Variants in FEV observed in about 807,000 individuals in gnomAD.
The protein encoded by FEV is FEV transcription factor, ETS family member, also known as protein FEV.
In FEV, 14 loss-of-function variants were observed where a neutral mutation model predicts 20.5. That is an observed-to-expected ratio of 0.68 (90% CI 0.45 to 1.07). The LOEUF is 1.07. FEV is among the 50% of genes least tolerant of loss of function. FEV has a pLI of 0.00. For synonymous variants in FEV, 188 were observed against 163.7 expected, an observed-to-expected ratio of 1.15 and a Z score of -1.13; for missense variants, 301 against 345.3, an observed-to-expected ratio of 0.87 and a Z score of 1.02.
In FEV at chr2:218,981,724, CG is replaced by C. The variant is rs1302398241; in HGVS notation, c.659del (p.Pro220ArgfsTer139). ...CGGCCACGGCCCCGAAGGGCCCGGG[CG>C]GGGGCTGCAAGCTGGGACTGGGGTA... is the stretch of plus-strand genomic sequence containing the variant. ...ALYPSPSLQPPPGPFGAVAAA... is the reference protein window; with the variant it reads ...ALYPSPSLQPXPGPFGAVAAA... On this transcript the variant is annotated frameshift_variant, in exon 3 of 3. Coordinates refer to ENST00000295727, the MANE Select transcript of FEV (RefSeq NM_017521.3). LOFTEE classifies it high-confidence loss of function. This position sits in a 1 kb window ranked among gnomAD's most constrained non-coding sequence, Gnocchi z 4.5. 3.8e-6 allele frequency: 5 copies of C among 1,332,860 alleles called. No individual in the cohort carries two copies. Among genetic ancestry groups the C allele is most frequent in the Non-Finnish European group, 3.8e-6 (4 of 1,048,522 alleles). The allele number at this position is 1,332,860 out of a possible 1,614,324, so 82.6% of individuals were successfully genotyped here.
rs1221405706 is a variant in FEV at position 218,981,304 on chromosome 2, A to G, written c.*363T>C. ...GAGCAAAAGTGGGAAAAGATTTGGC[A>G]CTCGTTAAAGAGTAGTGATATTGAA... On this transcript the variant is annotated 3_prime_UTR_variant, in exon 3 of 3. Coordinates refer to ENST00000295727, the MANE Select transcript of FEV (RefSeq NM_017521.3). This position sits in a 1 kb window ranked among gnomAD's most constrained non-coding sequence, Gnocchi z 4.5. 7.9e-6 allele frequency: 2 copies of G among 252,570 alleles called. No homozygotes were observed. Among genetic ancestry groups the G allele is most frequent in the African/African-American group, 2.2e-5 (1 of 45,932 alleles). The allele number at this position is 252,570 out of a possible 1,614,324, so 15.6% of individuals were successfully genotyped here.
chr2:218,983,772 A>G (rs1945412424), intron 2 of FEV, among the ~76,000 whole-genome samples: 1 of 152,164 alleles, frequency 6.6e-6, no homozygotes. Flanking sequence ...CGTCTGGCAG[A>G]GTTGGCCAGC....
chr2:218,984,173 C>T lies in FEV; in HGVS notation c.127+58G>A. 6 of 1,520,122 alleles carry T rather than the reference C, an allele frequency of 3.9e-6. No homozygotes were observed. The highest frequency in any genetic ancestry group is 5.4e-6 in the Non-Finnish European group (6 of 1,120,350). The allele number at this position is 1,520,122 out of a possible 1,614,324, so 94.2% of individuals were successfully genotyped here. On this transcript the variant is annotated intron_variant, in intron 2 of 2. Coordinates refer to ENST00000295727, the MANE Select transcript of FEV (RefSeq NM_017521.3). This position sits in a 1 kb window ranked among gnomAD's most constrained non-coding sequence, Gnocchi z 5.0. ...CCACACTGCTCCCACCTACTGTCCG[C>T]CTGTGCCCTGACCCCAACCAACCTC...
In FEV at chr2:218,981,766, G is replaced by C. The variant is rs1448509881; in HGVS notation, c.618C>G (p.Ala206=). The change falls in exon 3 of 3, where the codon GCC becomes GCG. Residue 206 remains alanine, a synonymous_variant. Transcript: ENST00000295727. This position sits in a 1 kb window ranked among gnomAD's most constrained non-coding sequence, Gnocchi z 4.5. ...GACTGGGGTAGAGCGCGGCGGTGGC[G>C]GCGGCAGCGGTGGCGGCGGGGCCCG... The part of the protein sequence containing the change: ...PGPGPAATAA[A]ATAALYPSPS... 2 of 1,270,046 alleles carry C rather than the reference G, an allele frequency of 1.6e-6. No individual in the cohort carries two copies. The highest frequency in any genetic ancestry group is 6.2e-5 in the East Asian group (2 of 32,136). The allele number at this position is 1,270,046 out of a possible 1,614,324, so 78.7% of individuals were successfully genotyped here. A position where few individuals can be genotyped will look rare whatever the true frequency, so the allele number is the denominator to read the frequency against.
In FEV at chr2:218,984,454, C is replaced by T. The variant is rs780758293; in HGVS notation, c.53-149G>A. ...GGCCACCCGGCTCCTCCTCCCGGAG[C>T]CTGGTCCAGGCGCGCTGCGCGGAGC... On this transcript the variant is annotated intron_variant, in intron 1 of 2. Coordinates refer to ENST00000295727, the MANE Select transcript of FEV (RefSeq NM_017521.3). This position sits in a 1 kb window ranked among gnomAD's most constrained non-coding sequence, Gnocchi z 5.0. The T allele has an allele frequency of 1.4e-6, 1 of 693,416 alleles. No individual in the cohort carries two copies. Among genetic ancestry groups the T allele is most frequent in the African/African-American group, 1.8e-5 (1 of 54,860 alleles). The allele number at this position is 693,416 out of a possible 1,614,324, so 43.0% of individuals were successfully genotyped here.
Position 218,984,158 on chromosome 2 carries a change from C to G in FEV, c.127+73G>C. 1 of 1,457,996 alleles carries G rather than the reference C, an allele frequency of 6.9e-7. No individual in the cohort carries two copies. The highest frequency in any genetic ancestry group is 9.4e-7 in the Non-Finnish European group (1 of 1,067,192). The allele number at this position is 1,457,996 out of a possible 1,614,324, so 90.3% of individuals were successfully genotyped here. ...GTGTGAACCCTGGGTCCACACTGCT[C>G]CCACCTACTGTCCGCCTGTGCCCTG... is the stretch of plus-strand genomic sequence containing the variant. On this transcript the variant is annotated intron_variant, in intron 2 of 2. Coordinates refer to ENST00000295727, the MANE Select transcript of FEV (RefSeq NM_017521.3). The surrounding 1 kb of genome is among the most constrained non-coding windows in gnomAD (Gnocchi z 5.0).
At chr2:218,984,000 C>T (rs374976571) in intron 2 of FEV, among the ~76,000 whole-genome samples, 4 of 152,210 alleles carry the variant, frequency 2.6e-5, no homozygotes, top group East Asian at 3.8e-4. Flanking sequence ...AGCAAAAGGG[C>T]CTGGGGCTGG....
Position 218,981,885 on chromosome 2 carries a change from G to A in FEV, c.499C>T (p.Leu167Phe). The A allele has an allele frequency of 1.6e-6, 2 of 1,240,884 alleles. No homozygotes were observed. The highest frequency in any genetic ancestry group is 2.0e-6 in the Non-Finnish European group (2 of 996,392). 76.9% of individuals were successfully genotyped at this position (1,240,884 alleles called of 1,614,324 possible). A position where few individuals can be genotyped will look rare whatever the true frequency, so the allele number is the denominator to read the frequency against. The part of the protein sequence containing the change: ...DGALYKLPAG[L>F]APLPFPGLSK... ...AGGCCGGGGAAGGGCAGCGGGGCGA[G>A]GCCGGCGGGCAGCTTGTAGAGCGCG... is the stretch of plus-strand genomic sequence containing the variant. The change falls in exon 3 of 3, where the codon CTC becomes TTC. Residue 167 changes from leucine (L) to phenylalanine (F), a missense_variant. By Grantham distance (22) the Leu-to-Phe change is conservative. Transcript: ENST00000295727. The surrounding 1 kb of genome is among the most constrained non-coding windows in gnomAD (Gnocchi z 4.5).
In FEV at chr2:218,984,611, G is replaced by A. The variant is rs1945421625; in HGVS notation, c.53-306C>T. 1 of 401,608 alleles carries A rather than the reference G, an allele frequency of 2.5e-6. No individual in the cohort carries two copies. The allele number at this position is 401,608 out of a possible 1,614,324, so 24.9% of individuals were successfully genotyped here. On this transcript the variant is annotated intron_variant, in intron 1 of 2. Transcript: ENST00000295727. The surrounding 1 kb of genome is among the most constrained non-coding windows in gnomAD (Gnocchi z 5.0). ...GAGCTGGAGCGCGAAGAGAAGAGGAGGGTGCCTGGAGGGCCGGCCTGAAGC... is the reference window on the plus strand; with the variant it reads ...GAGCTGGAGCGCGAAGAGAAGAGGAAGGTGCCTGGAGGGCCGGCCTGAAGC...
In FEV at chr2:218,981,790, C is replaced by G; in HGVS notation, c.594G>C (p.Pro198=). ...CGGCGGCAGCGGTGGCGGCGGGGCC[C>G]GGGCCCGGCCAGTAGGAGAAGCCGG... is the stretch of plus-strand genomic sequence containing the variant. ...APAGFSYWPG[P]GPAATAAAAT... is the part of the protein sequence containing the mutation. The change falls in exon 3 of 3, where the codon CCG becomes CCC. Residue 198 remains proline (P), a synonymous_variant. Transcript: ENST00000295727. The surrounding 1 kb of genome is among the most constrained non-coding windows in gnomAD (Gnocchi z 4.5). 1 of 1,255,906 alleles carries G rather than the reference C, an allele frequency of 8.0e-7. No homozygotes were observed. Among genetic ancestry groups the G allele is most frequent in the Non-Finnish European group, 9.9e-7 (1 of 1,007,034 alleles). 77.8% of individuals were successfully genotyped at this position (1,255,906 alleles called of 1,614,324 possible).
Position 218,985,099 on chromosome 2 carries a change from G to A in FEV, c.-24C>T, listed in dbSNP as rs780483757. On this transcript the variant is annotated 5_prime_UTR_variant, in exon 1 of 3. Coordinates refer to ENST00000295727, the MANE Select transcript of FEV (RefSeq NM_017521.3). ...ATCGCCGCCGGGGACTGGGCGGTGG[G>A]AGATGGGGGGGACGGGGAAGGGGGG... is the stretch of plus-strand genomic sequence containing the variant. 6.6e-7 allele frequency: 1 copy of A among 1,515,038 alleles called. No individual in the cohort carries two copies. Among genetic ancestry groups the A allele is most frequent in the Non-Finnish European group, 8.9e-7 (1 of 1,124,452 alleles). 93.8% of individuals were successfully genotyped at this position (1,515,038 alleles called of 1,614,324 possible).
Position 218,981,877 on chromosome 2 carries a change from C to T in FEV, c.507G>A (p.Pro169=), listed in dbSNP as rs1490837306. 3.2e-6 allele frequency: 4 copies of T among 1,237,460 alleles called. No homozygotes were observed. Among genetic ancestry groups the T allele is most frequent in the Non-Finnish European group, 2.0e-6 (2 of 995,068 alleles). The allele number at this position is 1,237,460 out of a possible 1,614,324, so 76.7% of individuals were successfully genotyped here. Reference sequence around the variant, plus strand: ...GTTTGGAGAGGCCGGGGAAGGGCAGCGGGGCGAGGCCGGCGGGCAGCTTGT... The same window carrying T: ...GTTTGGAGAGGCCGGGGAAGGGCAGTGGGGCGAGGCCGGCGGGCAGCTTGT... The part of the protein sequence containing the change: ...ALYKLPAGLA[P]LPFPGLSKLN... The change falls in exon 3 of 3, where the codon CCG becomes CCA. Residue 169 remains proline, a synonymous_variant. Transcript: ENST00000295727. The surrounding 1 kb of genome is among the most constrained non-coding windows in gnomAD (Gnocchi z 4.5).
Position 218,981,992 on chromosome 2 carries a change from A to G in FEV, c.392T>C (p.Leu131Pro). 2 of 1,608,156 alleles carry G rather than the reference A, an allele frequency of 1.2e-6. No homozygotes were observed. ...RYAYRFDFQG[L>P]AQACQPPPAH... is the part of the protein sequence containing the mutation. ...GGGCGGCGGCTGGCAGGCCTGCGCC[A>G]GGCCCTGGAAGTCGAAGCGGTAGGC... The change falls in exon 3 of 3, where the codon CTG (leucine) becomes CCG (proline). Residue 131 changes from leucine to proline, a missense_variant. Physicochemically the swap from Leu to Pro is moderately conservative, Grantham distance 98 (BLOSUM62 -3). Transcript: ENST00000295727. The surrounding 1 kb of genome is among the most constrained non-coding windows in gnomAD (Gnocchi z 4.5).
chr2:218,984,363 C>A lies in FEV; in HGVS notation c.53-58G>T, dbSNP rs1459069028. On this transcript the variant is annotated intron_variant, in intron 1 of 2. Transcript: ENST00000295727. The surrounding 1 kb of genome is among the most constrained non-coding windows in gnomAD (Gnocchi z 5.0). ...CCCCGGGCGGAAGTTGTGGGCTTGA[C>A]AAAAGGGCCCCGGGCCAAGGCTTAA... is the stretch of plus-strand genomic sequence containing the variant. 4 of 1,504,022 alleles carry A rather than the reference C, an allele frequency of 2.7e-6. No individual in the cohort carries two copies. Among genetic ancestry groups the A allele is most frequent in the South Asian group, 1.2e-5 (1 of 82,220 alleles). The allele number at this position is 1,504,022 out of a possible 1,614,324, so 93.2% of individuals were successfully genotyped here. A position where few individuals can be genotyped will look rare whatever the true frequency, so the allele number is the denominator to read the frequency against.
chr2:218,981,823 G>A lies in FEV; in HGVS notation c.561C>T (p.Val187=), dbSNP rs1945389506. The A allele has an allele frequency of 3.2e-6, 4 of 1,238,980 alleles. No homozygotes were observed. The highest frequency in any genetic ancestry group is 4.0e-6 in the Non-Finnish European group (4 of 996,162). The allele number at this position is 1,238,980 out of a possible 1,614,324, so 76.7% of individuals were successfully genotyped here. A position where few individuals can be genotyped will look rare whatever the true frequency, so the allele number is the denominator to read the frequency against. ...KLNLMAASAG[V]APAGFSYWPG... The stretch of plus-strand genomic sequence containing the variant: ...GCCAGTAGGAGAAGCCGGCGGGCGC[G>A]ACCCCGGCCGAGGCGGCCATGAGGT... Residue 187 remains valine (V), a synonymous_variant, in exon 3 of 3, where the codon GTC becomes GTT. Coordinates refer to ENST00000295727, the MANE Select transcript of FEV (RefSeq NM_017521.3). The surrounding 1 kb of genome is among the most constrained non-coding windows in gnomAD (Gnocchi z 4.5).
rs1425241437 is a variant in FEV, at chr2:218,985,128, G to A, written c.-53C>T. The stretch of plus-strand genomic sequence containing the variant: ...TGGGGGGGACGGGGAAGGGGGGCGA[G>A]GCAGGCTTTGCGCTCGGTGGCACCG... On this transcript the variant is annotated 5_prime_UTR_variant, in exon 1 of 3. Transcript: ENST00000295727. 6.7e-6 allele frequency: 9 copies of A among 1,352,246 alleles called. No individual in the cohort carries two copies. Among genetic ancestry groups the A allele is most frequent in the Non-Finnish European group, 9.0e-6 (9 of 997,046 alleles). 83.8% of individuals were successfully genotyped at this position (1,352,246 alleles called of 1,614,324 possible). A position where few individuals can be genotyped will look rare whatever the true frequency, so the allele number is the denominator to read the frequency against.
In FEV at chr2:218,981,635, C is replaced by T. The variant is rs745308464; in HGVS notation, c.*32G>A. 3.9e-5 allele frequency: 50 copies of T among 1,273,512 alleles called. No homozygotes were observed. The Admixed American group carries it at 1.9e-3, about 49-fold the overall frequency. The allele number at this position is 1,273,512 out of a possible 1,614,324, so 78.9% of individuals were successfully genotyped here. A position where few individuals can be genotyped will look rare whatever the true frequency, so the allele number is the denominator to read the frequency against. ...GGGATCGGGCGAGACTCTAGGCGTG[C>T]GGGCGAGGCCGCAGGCACCCGACCG... On this transcript the variant is annotated 3_prime_UTR_variant, in exon 3 of 3. Coordinates refer to ENST00000295727, the MANE Select transcript of FEV (RefSeq NM_017521.3). This position sits in a 1 kb window ranked among gnomAD's most constrained non-coding sequence, Gnocchi z 4.5.
chr2:218,985,116 G>A lies in FEV; in HGVS notation c.-41C>T. 7.4e-7 allele frequency: 1 copy of A among 1,342,892 alleles called. No homozygotes were observed. The highest frequency in any genetic ancestry group is 1.0e-6 in the Non-Finnish European group (1 of 983,006). 83.2% of individuals were successfully genotyped at this position (1,342,892 alleles called of 1,614,324 possible). Reference sequence around the variant, plus strand: ...GGCGGTGGGAGATGGGGGGGACGGGGAAGGGGGGCGAGGCAGGCTTTGCGC... The same window carrying A: ...GGCGGTGGGAGATGGGGGGGACGGGAAAGGGGGGCGAGGCAGGCTTTGCGC... On this transcript the variant is annotated 5_prime_UTR_variant, in exon 1 of 3. Transcript: ENST00000295727.
Position 218,981,183 on chromosome 2 carries a change from C to T in FEV, c.*484G>A, listed in dbSNP as rs1945381039. 3 of 227,274 alleles carry T rather than the reference C, an allele frequency of 1.3e-5. No individual in the cohort carries two copies. The highest frequency in any genetic ancestry group is 2.6e-5 in the Non-Finnish European group (3 of 114,374). The allele number at this position is 227,274 out of a possible 1,614,324, so 14.1% of individuals were successfully genotyped here. A position where few individuals can be genotyped will look rare whatever the true frequency, so the allele number is the denominator to read the frequency against. ...ACAGGAGGAAGGGGGCCGTGTGTCACGGAGGACGGTGGCTTTCACCAAACC... is the reference window on the plus strand; with the variant it reads ...ACAGGAGGAAGGGGGCCGTGTGTCATGGAGGACGGTGGCTTTCACCAAACC... On this transcript the variant is annotated 3_prime_UTR_variant, in exon 3 of 3. Coordinates refer to ENST00000295727, the MANE Select transcript of FEV (RefSeq NM_017521.3). This position sits in a 1 kb window ranked among gnomAD's most constrained non-coding sequence, Gnocchi z 4.5.
Sources: gnomAD v4.1 joint callset for allele counts (sites outside exome capture counted in the v4.1 genomes callset) on GRCh38, gnomAD v4.1.1 for gene constraint, Gnocchi (gnomAD v3.1) non-coding constraint, MANE v1.5 for transcripts, NCBI Gene and HGNC (gene_info 2026-07-23, HGNC 2026-07-21) for gene names.